FAM78A: variants seen among roughly 807,000 people sequenced by gnomAD.
FAM78A encodes protein FAM78A.
Under a neutral mutation model 22.6 loss-of-function variants are expected in FAM78A, and 12 were observed. The observed-to-expected ratio is 0.53, with a 90% confidence interval of 0.34 to 0.86. FAM78A has a LOEUF of 0.86. FAM78A is among the 40% of genes least tolerant of loss of function. FAM78A has a pLI of 0.02. For synonymous variants in FAM78A, 151 were observed against 155.8 expected (o/e 0.97, Z 0.23); for missense variants, 322 against 396.1 (o/e 0.81, Z 1.59).
At chr9:131,266,070 G>A (rs999245307) in intron 1 of FAM78A, among the ~76,000 whole-genome samples, 2 of 152,130 alleles carry the variant, frequency 1.3e-5, no homozygotes, top group African/African-American at 2.4e-5. Flanking sequence ...CAACGGGGAG[G>A]CCTGTGTCTC....
At chr9:131,273,981 C>T (rs1367981669) in intron 1 of FAM78A, among the ~76,000 whole-genome samples, 1 of 152,232 alleles carries the variant, frequency 6.6e-6, no homozygotes, top group Non-Finnish European at 1.5e-5. Context: ...GCATGAGGCT[C>T]TTCCAACCAG....
intron 1 of FAM78A, among the ~76,000 whole-genome samples, chr9:131,269,299 T>C (rs1208438022): frequency 1.3e-5 from 2 of 152,150 alleles, no homozygotes; most frequent in Non-Finnish European, 2.9e-5. Flanking sequence ...TATTGTTTGA[T>C]AACTTTAAAC....
In FAM78A at chr9:131,275,836, C is replaced by G. The variant is rs1564239962; in HGVS notation, c.323+21G>C. The G allele has an allele frequency of 1.5e-5, 24 of 1,553,710 alleles. No homozygotes were observed. The highest frequency in any genetic ancestry group is 1.8e-5 in the Non-Finnish European group (21 of 1,147,862). Reference sequence around the variant, plus strand: ...CGGCCATCCCTAGCAGTTCCCAGAGCTGGCTCTCGGCCGTACTCACATGCC... The same window carrying G: ...CGGCCATCCCTAGCAGTTCCCAGAGGTGGCTCTCGGCCGTACTCACATGCC... On this transcript the variant is annotated intron_variant, in intron 1 of 1. Transcript: ENST00000372271. This position sits in a 1 kb window ranked among gnomAD's most constrained non-coding sequence, Gnocchi z 4.6.
At chr9:131,266,030 A>G (rs1281904281) in intron 1 of FAM78A, among the ~76,000 whole-genome samples, 1 of 152,184 alleles carries the variant, frequency 6.6e-6, no homozygotes, top group Non-Finnish European at 1.5e-5. Context: ...AAGCCCTGAC[A>G]TGGGTGGACA....
At chr9:131,264,635 G>A (rs1193554113) in intron 1 of FAM78A, 1 of 717,054 alleles carries the variant, frequency 1.4e-6, no homozygotes, top group East Asian at 2.7e-5. Flanking sequence ...ACCCTTTGAG[G>A]GTGGCATCAG....
chr9:131,265,069 ATT>A lies in FAM78A; in HGVS notation c.324-3721_324-3720del, dbSNP rs1835327940. Among the ~76,000 whole-genome samples the A allele has an allele frequency of 6.6e-6, 1 of 151,768 alleles. No individual in the cohort carries two copies. Among genetic ancestry groups the A allele is most frequent in the Non-Finnish European group, 1.5e-5 (1 of 67,938 alleles). On this transcript the variant is annotated intron_variant, in intron 1 of 1. Coordinates refer to ENST00000372271, the MANE Select transcript of FAM78A (RefSeq NM_033387.4). This position sits in a 1 kb window ranked among gnomAD's most constrained non-coding sequence, Gnocchi z 4.3. ...TGTTTCTCTTCTCTATTAAATTTCTATTGAGTTTTTTAGTGCTTTTTGTCCAC... is the reference window on the plus strand; with the variant it reads ...TGTTTCTCTTCTCTATTAAATTTCTAGAGTTTTTTAGTGCTTTTTGTCCAC...
rs762292620 is a variant in FAM78A at position 131,265,531 on chromosome 9, G to A, written c.324-4181C>T. Among the ~76,000 whole-genome samples the A allele has an allele frequency of 7.0e-4, 106 of 152,278 alleles. No individual in the cohort carries two copies. The highest frequency in any genetic ancestry group is 2.4e-4 in the African/African-American group (10 of 41,556). ...CTCACAGTGCTGGGATTACAGGCGT[G>A]AGCCACCATGCCCGGCCTAATTTTT... On this transcript the variant is annotated intron_variant, in intron 1 of 1. Transcript: ENST00000372271. The surrounding 1 kb of genome is among the most constrained non-coding windows in gnomAD (Gnocchi z 4.3).
intron 1 of FAM78A, chr9:131,262,837 G>A (rs1053638709): frequency 1.3e-5 from 2 of 152,130 alleles, no homozygotes; most frequent in African/African-American, 4.8e-5. Context: ...AGTCCCTAGT[G>A]TTGTCAAATT....
chr9:131,268,912 C>T (rs1835381778), intron 1 of FAM78A, among the ~76,000 whole-genome samples: 1 of 143,412 alleles, frequency 7.0e-6, no homozygotes, highest in Admixed American at 7.0e-5. Context: ...AAAAGAAGTG[C>T]TCTTAGGCCG....
chr9:131,271,926 T>A (rs1181708937), intron 1 of FAM78A, among the ~76,000 whole-genome samples: 1 of 152,130 alleles, frequency 6.6e-6, no homozygotes, highest in East Asian at 1.9e-4. Flanking sequence ...CAATGTGGGT[T>A]GGACCCAAAG....
In FAM78A at chr9:131,272,508, G is replaced by C. The variant is rs1835433169; in HGVS notation, c.323+3349C>G. On this transcript the variant is annotated intron_variant, in intron 1 of 1. Coordinates refer to ENST00000372271, the MANE Select transcript of FAM78A (RefSeq NM_033387.4). This position sits in a 1 kb window ranked among gnomAD's most constrained non-coding sequence, Gnocchi z 4.1. The stretch of plus-strand genomic sequence containing the variant: ...ACCTGACCCTGGGCCAGGCAGAGCA[G>C]AGGAACAATTCTGGGCTGGTTGGGG... Among the ~76,000 whole-genome samples, 4 of 152,246 alleles carry C rather than the reference G, an allele frequency of 2.6e-5. No homozygotes were observed.
rs1386784768 is a variant in FAM78A, at chr9:131,275,328, G to T, written c.323+529C>A. ...GTGCTCTCAAACACAGTGCCGTTTG[G>T]AACGGGGAAGCACTCCCCCAGCTCC... On this transcript the variant is annotated intron_variant, in intron 1 of 1. Coordinates refer to ENST00000372271, the MANE Select transcript of FAM78A (RefSeq NM_033387.4). This position sits in a 1 kb window ranked among gnomAD's most constrained non-coding sequence, Gnocchi z 4.6. Among the ~76,000 whole-genome samples, 1 of 152,246 alleles carries T rather than the reference G, an allele frequency of 6.6e-6. No individual in the cohort carries two copies. Among genetic ancestry groups the T allele is most frequent in the Admixed American group, 6.5e-5 (1 of 15,288 alleles).
Position 131,275,941 on chromosome 9 carries a change from A to T in FAM78A, c.239T>A (p.Ile80Asn). The change falls in exon 1 of 2, where the codon ATC (isoleucine) becomes AAC (asparagine). Residue 80 changes from isoleucine to asparagine, a missense_variant. Ile to Asn is a moderately radical substitution (Grantham distance 149). Coordinates refer to ENST00000372271, the MANE Select transcript of FAM78A (RefSeq NM_033387.4). The surrounding 1 kb of genome is among the most constrained non-coding windows in gnomAD (Gnocchi z 4.6). ...RASAQVVMPP[I>N]PKKETWVVGW... ...AACTACCCAAGTCTCCTTCTTGGGG[A>T]TGGGCGGCATGACCACCTGGGCCGA... The T allele has an allele frequency of 5.6e-6, 9 of 1,613,364 alleles. No individual in the cohort carries two copies. The highest frequency in any genetic ancestry group is 7.6e-6 in the Non-Finnish European group (9 of 1,179,970).
At chr9:131,277,759 T>C (rs1835503714), upstream of FAM78A, among the ~76,000 whole-genome samples, 1 of 150,248 alleles carries the variant, frequency 6.7e-6, no homozygotes, top group South Asian at 2.1e-4. The surrounding 1 kb of genome is among the most constrained non-coding windows in gnomAD (Gnocchi z 8.4). Context: ...GGGCTGAGGC[T>C]CGGGGCTCTC....
upstream of FAM78A, among the ~76,000 whole-genome samples, chr9:131,279,939 C>A: frequency 6.6e-6 from 1 of 152,172 alleles, no homozygotes; most frequent in Non-Finnish European, 1.5e-5. Flanking sequence ...ACCCCACTTG[C>A]TAGCCAGGGC....
chr9:131,264,257 G>T, intron 1 of FAM78A: 1 of 324,712 alleles, frequency 3.1e-6, no homozygotes, highest in Admixed American at 5.0e-5. Context: ...CCCCAGCCTT[G>T]GGGTTTTCTT....
At chr9:131,276,792 G>T (rs563895501), upstream of FAM78A, among the ~76,000 whole-genome samples, 3 of 150,674 alleles carry the variant, frequency 2.0e-5, no homozygotes, top group Non-Finnish European at 3.0e-5. The surrounding 1 kb of genome is among the most constrained non-coding windows in gnomAD (Gnocchi z 4.3). Flanking sequence ...AGCGCGGCGC[G>T]GGTCCCCGTC....
Position 131,270,045 on chromosome 9 carries a change from A to AT in FAM78A, c.323+5811_323+5812insA, listed in dbSNP as rs1434986360. Reference sequence around the variant, plus strand: ...CCCCATCCCTACTAAAATAAAAAAAAAAAAAAAAAAAAAAGCCAGGTGTGG... The same window carrying AT: ...CCCCATCCCTACTAAAATAAAAAAAATAAAAAAAAAAAAAAGCCAGGTGTGG... On this transcript the variant is annotated intron_variant, in intron 1 of 1. Transcript: ENST00000372271. Among the ~76,000 whole-genome samples the AT allele has an allele frequency of 1.3e-3, 187 of 148,684 alleles. 3 individuals carry two copies. The highest frequency in any genetic ancestry group is 3.0e-3 in the South Asian group (14 of 4,740).
chr9:131,280,319 G>A (rs757136390), upstream of FAM78A, among the ~76,000 whole-genome samples: 4 of 152,172 alleles, frequency 2.6e-5, no homozygotes, highest in Non-Finnish European at 5.9e-5. Context: ...CCTCCTGCTC[G>A]TCATTTTCCG....
Sources: gnomAD v4.1 joint callset for allele counts (sites outside exome capture counted in the v4.1 genomes callset) on GRCh38, gnomAD v4.1.1 for gene constraint, Gnocchi (gnomAD v3.1) non-coding constraint, MANE v1.5 for transcripts, NCBI Gene and HGNC (gene_info 2026-07-23, HGNC 2026-07-21) for gene names.